ZSWIM5: variants seen among roughly 807,000 people sequenced by gnomAD.
ZSWIM5 encodes zinc finger SWIM-type containing 5.
In ZSWIM5, 55 loss-of-function variants were observed where a neutral mutation model predicts 119.6. The ratio of observed to expected loss-of-function variants is 0.46; its 90% CI spans 0.37 to 0.58. ZSWIM5 has a LOEUF of 0.58. Ranked by LOEUF, ZSWIM5 falls within the 20% of genes least tolerant of loss-of-function variation. The pLI is 0.00. For missense variants in ZSWIM5, 1,193 were observed against 1,512.8 expected, an observed-to-expected ratio of 0.79 and a Z score of 3.51; for synonymous variants, 537 against 606.9, an observed-to-expected ratio of 0.88 and a Z score of 1.69.
intron 1 of ZSWIM5, among the ~76,000 whole-genome samples, chr1:45,179,576 C>T (rs61564383): frequency 2.0e-5 from 3 of 152,094 alleles, no homozygotes; most frequent in African/African-American, 7.2e-5. Flanking sequence ...CAAACCTGCA[C>T]ATGTGCCCCC....
intron 6 of ZSWIM5, among the ~76,000 whole-genome samples, chr1:45,042,313 C>T (rs1490659089): frequency 1.3e-5 from 2 of 152,108 alleles, no homozygotes; most frequent in Non-Finnish European, 2.9e-5. Context: ...AACACCTGAC[C>T]ATTTGAAAAT....
At chr1:45,062,687 T>G (rs1378614968) in intron 2 of ZSWIM5, among the ~76,000 whole-genome samples, 1 of 152,048 alleles carries the variant, frequency 6.6e-6, no homozygotes. Context: ...AAATTTTTTT[T>G]GTAGAGATAG....
intron 1 of ZSWIM5, among the ~76,000 whole-genome samples, chr1:45,101,308 T>A (rs1053367637): frequency 6.6e-6 from 1 of 152,138 alleles, no homozygotes; most frequent in Non-Finnish European, 1.5e-5. Context: ...TCATCACTGG[T>A]CATCAGAGAA....
At chr1:45,020,493 C>T in intron 12 of ZSWIM5, 132 bp downstream of exon 12, 3 of 1,131,934 alleles carry the variant, frequency 2.7e-6, no homozygotes, top group Non-Finnish European at 3.8e-6. Context: ...TTTCCCTAGC[C>T]TAGAACTTGT....
intron 2 of ZSWIM5, among the ~76,000 whole-genome samples, chr1:45,070,947 A>G (rs1436160501): frequency 6.6e-6 from 1 of 152,116 alleles, no homozygotes; most frequent in African/African-American, 2.4e-5. Flanking sequence ...AAGTTATCTT[A>G]CTTTTCTCTT....
At position 45,206,044 on chromosome 1, in the gene ZSWIM5, G is replaced by A. The variant is rs1314093930; in HGVS notation, c.307C>T (p.Pro103Ser). 6.2e-7 allele frequency: 1 copy of A among 1,608,146 alleles called. No individual in the cohort carries two copies. The change falls in exon 1 of 14, where the codon CCG becomes TCG. Residue 103 changes from proline to serine, a missense_variant. Pro to Ser is a moderately conservative substitution (Grantham distance 74). Around this residue, in one of 2 missense-constraint regions of ZSWIM5, gnomAD observed 232 missense variants for 222.9 expected, o/e 1.04. Transcript: ENST00000359600. ...VQRRIVYWSF[P>S]RNEREICMYS... ...ATGCAGATCTCCCGCTCATTCCGCGGGAAGGACCAGTAGACGATGCGGCGC... is the reference window on the plus strand; with the variant it reads ...ATGCAGATCTCCCGCTCATTCCGCGAGAAGGACCAGTAGACGATGCGGCGC...
intron 1 of ZSWIM5, among the ~76,000 whole-genome samples, chr1:45,143,729 C>T (rs908935729): frequency 4.0e-5 from 6 of 151,774 alleles, no homozygotes; most frequent in Non-Finnish European, 8.8e-5. Context: ...TAAAACTATC[C>T]TTATTCAAAG....
chr1:45,031,669 C>T (rs1569995379), intron 11 of ZSWIM5, among the ~76,000 whole-genome samples: 1 of 151,782 alleles, frequency 6.6e-6, no homozygotes, highest in African/African-American at 2.4e-5. Flanking sequence ...GAAATCCCAC[C>T]TCTACTAAAA....
rs755450726 is a variant in ZSWIM5, at chr1:45,142,988, T to C, written c.596-54751A>G. On this transcript the variant is annotated intron_variant, in intron 1 of 13. Coordinates refer to ENST00000359600, the MANE Select transcript of ZSWIM5 (RefSeq NM_020883.2). ...GAGTTTGAGACTAGCCTGGGCAACA[T>C]GGTGAAACCCTGTCTCTACCAAAAA... Among the ~76,000 whole-genome samples the C allele has an allele frequency of 2.7e-5, 4 of 146,178 alleles. No individual in the cohort carries two copies. The Admixed American group carries it at 2.7e-4, about 10-fold the overall frequency.
intron 1 of ZSWIM5, among the ~76,000 whole-genome samples, chr1:45,200,554 G>A (rs1415903207): frequency 6.6e-6 from 1 of 151,928 alleles, no homozygotes; most frequent in African/African-American, 2.4e-5. Flanking sequence ...CTAAAGCTGA[G>A]TTATAAATGG....
chr1:45,204,812 A>T (rs972100307), intron 1 of ZSWIM5, among the ~76,000 whole-genome samples: 1 of 152,198 alleles, frequency 6.6e-6, no homozygotes, highest in African/African-American at 2.4e-5. Context: ...AATAATCCAA[A>T]TAGAAAAAAA....
At chr1:45,142,356 TTTG>T (rs1220939290) in intron 1 of ZSWIM5, among the ~76,000 whole-genome samples, 1 of 152,144 alleles carries the variant, frequency 6.6e-6, no homozygotes, top group Non-Finnish European at 1.5e-5. Flanking sequence ...CTTTTTGTTT[TTTG>T]TTGTTATTTT....
chr1:45,137,547 C>G (rs1241366922), intron 1 of ZSWIM5, among the ~76,000 whole-genome samples: 1 of 152,012 alleles, frequency 6.6e-6, no homozygotes, highest in Non-Finnish European at 1.5e-5. Context: ...GCCTGCCTCA[C>G]AAGAAGGTAA....
At chr1:45,099,171 AAG>A (rs1645422356) in intron 1 of ZSWIM5, among the ~76,000 whole-genome samples, 1 of 152,200 alleles carries the variant, frequency 6.6e-6, no homozygotes, top group South Asian at 2.1e-4. Flanking sequence ...TAAAGAAGAA[AAG>A]AGAGAAGAAT....
Position 45,018,397 on chromosome 1 carries a change from C to T in ZSWIM5, c.*57G>A, listed in dbSNP as rs981860399. ...TGGACAAATGTTTCAGTGCCCTTGG[C>T]CTGACCTGATACTACCTGGGAACCC... On this transcript the variant is annotated 3_prime_UTR_variant, in exon 14 of 14. Transcript: ENST00000359600. The surrounding 1 kb of genome is among the most constrained non-coding windows in gnomAD (Gnocchi z 6.7). 2.5e-5 allele frequency: 40 copies of T among 1,578,294 alleles called. No individual in the cohort carries two copies. The African/African-American group carries it at 3.5e-4, about 14-fold the overall frequency.
chr1:45,025,570 G>T (rs1362485392), intron 11 of ZSWIM5, among the ~76,000 whole-genome samples: 1 of 151,910 alleles, frequency 6.6e-6, no homozygotes, highest in Non-Finnish European at 1.5e-5. Flanking sequence ...CATTTTTGGG[G>T]TGCTAATGTA....
intron 6 of ZSWIM5, 150 bp downstream of exon 6, chr1:45,043,069 A>G (rs1277821874): frequency 1.3e-6 from 1 of 784,992 alleles, no homozygotes; most frequent in Non-Finnish European, 2.1e-6. Context: ...CTTAGGCTTC[A>G]CATAAATATC....
At chr1:45,132,839 A>ACCT (rs1461413688) in intron 1 of ZSWIM5, among the ~76,000 whole-genome samples, 3 of 151,722 alleles carry the variant, frequency 2.0e-5, no homozygotes, top group South Asian at 2.1e-4. Context: ...TTCAATTCCC[A>ACCT]CCTATAAGTG....
At chr1:45,204,517 G>A (rs1646175645) in intron 1 of ZSWIM5, among the ~76,000 whole-genome samples, 2 of 152,120 alleles carry the variant, frequency 1.3e-5, no homozygotes, top group African/African-American at 4.8e-5. Flanking sequence ...AACAAGTTGT[G>A]GTATGCTGTT....
Sources: gnomAD v4.1 joint callset for allele counts (sites outside exome capture counted in the v4.1 genomes callset) on GRCh38, gnomAD v4.1.1 for gene constraint, gnomAD v4.1.1 regional missense constraint, Gnocchi (gnomAD v3.1) non-coding constraint, MANE v1.5 for transcripts, NCBI Gene and HGNC (gene_info 2026-07-23, HGNC 2026-07-21) for gene names.